Variants in MAGI2 observed in about 807,000 individuals in gnomAD.
MAGI2 encodes membrane associated guanylate kinase, WW and PDZ domain containing 2, also known as membrane-associated guanylate kinase, WW and PDZ domain-containing protein 2.
In MAGI2, 35 loss-of-function variants were observed where a neutral mutation model predicts 133.3. The observed-to-expected ratio is 0.26, with a 90% CI of 0.20 to 0.35. The LOEUF is 0.35. Among genes scored for constraint, MAGI2 ranks in the 10% least tolerant of loss-of-function variants. The pLI is 1.00. For synonymous variants in MAGI2, 729 were observed against 710.6 expected (o/e 1.03, Z -0.41); for missense variants, 1,636 against 1,863.4 (o/e 0.88, Z 2.25).
rs200333526 is a variant in MAGI2 at position 78,689,682 on chromosome 7, C to CTTTTTTTTTTTT, written c.419-62455_419-62444dup. Among the ~76,000 whole-genome samples, 265 of 91,992 alleles carry CTTTTTTTTTTTT rather than the reference C, an allele frequency of 2.9e-3. 1 individual carries two copies. The highest frequency in any genetic ancestry group is 4.6e-3 in the East Asian group (12 of 2,610). 60.4% of individuals were successfully genotyped at this position (91,992 alleles called of 152,430 possible). ...ACAATGTGTATCTTTTTGGATCTGGCTTTTTTTTTTTTTTTTTTTTTTGCT... is the reference window on the plus strand; with the variant it reads ...ACAATGTGTATCTTTTTGGATCTGGCTTTTTTTTTTTTTTTTTTTTTTTTTTTTTTTTTTGCT... On this transcript the variant is annotated intron_variant, in intron 2 of 21. Transcript: ENST00000354212.
At chr7:78,573,259 TATAAATATATATAA>T (rs1246354701) in intron 3 of MAGI2, among the ~76,000 whole-genome samples, 6 of 16,454 alleles carry the variant, frequency 3.6e-4, no homozygotes, top group Non-Finnish European at 5.4e-4. Context: ...TATATATAAA[TATAAATATATATAA>T]ATATATATAT....
intron 9 of MAGI2, among the ~76,000 whole-genome samples, chr7:78,324,405 A>G (rs1441957103): frequency 2.0e-5 from 3 of 152,214 alleles, no homozygotes; most frequent in East Asian, 1.9e-4. Context: ...AAGGTAGAAC[A>G]GCACAGTAGT....
At chr7:78,345,407 G>C (rs1461838553) in intron 8 of MAGI2, 1 of 152,802 alleles carries the variant, frequency 6.5e-6, no homozygotes. Flanking sequence ...GTGGCTCCCA[G>C]GTGTAGTCAG....
chr7:78,444,964 A>C (rs567795037), intron 6 of MAGI2, among the ~76,000 whole-genome samples: 4 of 151,070 alleles, frequency 2.6e-5, no homozygotes, highest in Non-Finnish European at 3.0e-5. Flanking sequence ...TATAGTACAT[A>C]TAATACTGTG....
At chr7:79,452,772 C>T in intron 1 of MAGI2, 1 of 488,552 alleles carries the variant, frequency 2.0e-6, no homozygotes, top group Non-Finnish European at 3.6e-6. Flanking sequence ...CCAGGCCGAG[C>T]ACCTTCCAAA....
chr7:78,658,281 G>A (rs1812525550), intron 2 of MAGI2, among the ~76,000 whole-genome samples: 1 of 121,050 alleles, frequency 8.3e-6, no homozygotes, highest in African/African-American at 3.1e-5. Context: ...TAGGCAAAAA[G>A]TGGTTTTTAA....
At chr7:78,752,102 G>A (rs1823508890) in intron 2 of MAGI2, among the ~76,000 whole-genome samples, 1 of 152,212 alleles carries the variant, frequency 6.6e-6, no homozygotes, top group African/African-American at 2.4e-5. Context: ...AGGAAGCAGT[G>A]TTTTGCTCTG....
intron 2 of MAGI2, among the ~76,000 whole-genome samples, chr7:78,695,021 C>T (rs561417937): frequency 2.0e-5 from 3 of 152,012 alleles, no homozygotes; most frequent in East Asian, 1.9e-4. Context: ...GTCAGGAGAT[C>T]GACATCATCC....
At chr7:78,185,598 C>T in intron 13 of MAGI2, 31 bp downstream of exon 13, 4 of 1,520,392 alleles carry the variant, frequency 2.6e-6, no homozygotes, top group Non-Finnish European at 3.6e-6. Flanking sequence ...ACGTTTTGTT[C>T]ACAGAACTGT....
At chr7:78,551,158 T>C (rs2150703902) in intron 3 of MAGI2, among the ~76,000 whole-genome samples, 1 of 152,338 alleles carries the variant, frequency 6.6e-6, no homozygotes, top group Non-Finnish European at 1.5e-5. Flanking sequence ...CAATGCTTCC[T>C]TGTATAGTAC....
At chr7:79,198,469 T>C (rs1205119296) in intron 1 of MAGI2, among the ~76,000 whole-genome samples, 1 of 152,020 alleles carries the variant, frequency 6.6e-6, no homozygotes, top group Non-Finnish European at 1.5e-5. Flanking sequence ...CTCATTTGCT[T>C]GTCACCTTGG....
intron 1 of MAGI2, among the ~76,000 whole-genome samples, chr7:79,098,121 C>A (rs914543121): frequency 6.6e-6 from 1 of 150,542 alleles, no homozygotes; most frequent in Non-Finnish European, 1.5e-5. Flanking sequence ...GACCCTGTTT[C>A]AAAAAAAAAT....
At chr7:78,441,297 G>A (rs1231897856) in intron 6 of MAGI2, among the ~76,000 whole-genome samples, 3 of 152,126 alleles carry the variant, frequency 2.0e-5, no homozygotes, top group African/African-American at 4.8e-5. Context: ...AAAGGGATCT[G>A]ACCTACCATG....
At chr7:78,543,403 G>A (rs544452434) in intron 3 of MAGI2, among the ~76,000 whole-genome samples, 2 of 152,146 alleles carry the variant, frequency 1.3e-5, no homozygotes, top group East Asian at 3.9e-4. Flanking sequence ...AATTAAAATT[G>A]GCACTCAGGC....
chr7:78,067,425 T>C lies in MAGI2; in HGVS notation c.3706+11522A>G, dbSNP rs369507761. 7.2e-5 allele frequency among the ~76,000 whole-genome samples: 11 copies of C among 152,332 alleles called. No homozygotes were observed. In the South Asian group the frequency reaches 1.9e-3, roughly 26 times the overall value. Reference sequence around the variant, plus strand: ...GAGTTGCATACTGTGCTAGGCATATTAATGCATACATTATGAGTGTATGTG... The same window carrying C: ...GAGTTGCATACTGTGCTAGGCATATCAATGCATACATTATGAGTGTATGTG... On this transcript the variant is annotated intron_variant, in intron 21 of 21. Transcript: ENST00000354212.
intron 3 of MAGI2, among the ~76,000 whole-genome samples, chr7:78,553,094 T>TAAAA (rs754149011): frequency 1.8e-4 from 24 of 133,168 alleles, no homozygotes; most frequent in African/African-American, 6.2e-4. Flanking sequence ...AACTTTAAAT[T>TAAAA]AAAAAAAAAA....
intron 6 of MAGI2, among the ~76,000 whole-genome samples, chr7:78,477,125 A>G (rs371144581): frequency 7.2e-6 from 1 of 139,772 alleles, no homozygotes; most frequent in Non-Finnish European, 1.6e-5. Flanking sequence ...AGAACTTTAT[A>G]TATTCAGATC....
chr7:78,597,024 GA>G (rs1184712364), intron 3 of MAGI2, among the ~76,000 whole-genome samples: 2 of 152,044 alleles, frequency 1.3e-5, no homozygotes, highest in Admixed American at 6.5e-5. Flanking sequence ...TGGAAGTGGG[GA>G]AAAAAAGTTG....
chr7:78,983,114 A>G lies in MAGI2; in HGVS notation c.418+23976T>C, dbSNP rs150785365. Among the ~76,000 whole-genome samples the G allele has an allele frequency of 2.6e-3, 401 of 152,110 alleles. 2 individuals are homozygous for G. The highest frequency in any genetic ancestry group is 9.0e-3 in the African/African-American group (374 of 41,562). On this transcript the variant is annotated intron_variant, in intron 2 of 21. Coordinates refer to ENST00000354212, the MANE Select transcript of MAGI2 (RefSeq NM_012301.4). ...ATCTTTGGGATATATTAAGTAAAAT[A>G]TGTTTTAAAAATTAATGTCATTGGT...
Sources: allele counts gnomAD v4.1 joint callset (sites outside exome capture counted in the v4.1 genomes callset), GRCh38; gene constraint gnomAD v4.1.1; transcripts MANE v1.5; gene names NCBI Gene and HGNC (gene_info 2026-07-23, HGNC 2026-07-21).